The following NUP205 variants were observed in gnomAD, a reference collection of about 807,000 sequenced individuals.
NUP205 encodes the protein nucleoporin 205, also known as nuclear pore complex protein Nup205.
A neutral mutation model predicts 253.8 loss-of-function variants in NUP205; 76 were observed. That is an observed-to-expected ratio of 0.30 (90% confidence interval 0.25 to 0.36). The LOEUF (loss-of-function observed/expected upper bound fraction) is 0.36. Ranked by LOEUF, NUP205 falls within the 10% of genes least tolerant of loss-of-function variation. The pLI is 1.00. For synonymous variants in NUP205, 832 were observed against 850.1 expected (o/e 0.98, Z 0.37); for missense variants, 2,162 against 2,425.5 (o/e 0.89, Z 2.28).
chr7:135,609,956 G>A (rs1225461139), intron 22 of NUP205, among the ~76,000 whole-genome samples: 1 of 152,200 alleles, frequency 6.6e-6, no homozygotes, highest in Non-Finnish European at 1.5e-5. Flanking sequence ...TGAAGCCAGG[G>A]TCCAGTTAAG....
At chr7:135,638,469 A>T in intron 37 of NUP205, 88 bp from the exon 38 acceptor site, 1 of 1,092,098 alleles carries the variant, frequency 9.2e-7, no homozygotes, top group Non-Finnish European at 1.4e-6. Context: ...AAATTGATTG[A>T]TAACCTTTTC....
intron 30 of NUP205, among the ~76,000 whole-genome samples, chr7:135,620,307 G>A (rs529823179): frequency 6.6e-6 from 1 of 152,222 alleles, no homozygotes; most frequent in African/African-American, 2.4e-5. Context: ...GCCGAGGCCT[G>A]TGGATCACCT....
intron 3 of NUP205, among the ~76,000 whole-genome samples, chr7:135,575,308 T>A (rs749028978): frequency 2.0e-5 from 3 of 152,106 alleles, no homozygotes; most frequent in Non-Finnish European, 4.4e-5. Context: ...TGAGTAAGCA[T>A]ACATCAGGTG....
At chr7:135,559,686 C>CTTTTTTTT (rs548329072) in intron 1 of NUP205, among the ~76,000 whole-genome samples, 1 of 138,010 alleles carries the variant, frequency 7.2e-6, no homozygotes. Context: ...ATTTATTTTC[C>CTTTTTTTT]TTTTTTTTTT....
intron 3 of NUP205, among the ~76,000 whole-genome samples, chr7:135,574,310 G>T (rs1432574684): frequency 6.6e-6 from 1 of 151,992 alleles, no homozygotes; most frequent in Non-Finnish European, 1.5e-5. Context: ...TGCATGAGTA[G>T]GTAAAAAATA....
intron 13 of NUP205, 64 bp downstream of exon 13, chr7:135,594,793 T>C (rs1038274860): frequency 7.1e-6 from 9 of 1,271,840 alleles, no homozygotes; most frequent in Non-Finnish European, 7.7e-6. Context: ...GATAATACCA[T>C]AGAAGCAAGA....
At position 135,570,698 on chromosome 7, in the gene NUP205, TTAATTATATTAATATA is replaced by T. The variant is rs1213650726; in HGVS notation, c.29-406_29-391del. Reference sequence around the variant, plus strand: ...ATATATATTAATTATATTAATATAATTAATTATATTAATATAATTAATTATATTTATATATTATATT... The same window carrying T: ...ATATATATTAATTATATTAATATAATATTAATTATATTTATATATTATATT... On this transcript the variant is annotated intron_variant, in intron 1 of 42. Coordinates refer to ENST00000285968, the MANE Select transcript of NUP205 (RefSeq NM_015135.3). 5.8e-5 allele frequency among the ~76,000 whole-genome samples: 5 copies of T among 86,732 alleles called. No homozygotes were observed. In the East Asian group the frequency reaches 1.5e-3, roughly 26 times the overall value. 56.9% of individuals were successfully genotyped at this position (86,732 alleles called of 152,430 possible). A position where few individuals can be genotyped will look rare whatever the true frequency, so the allele number is the denominator to read the frequency against.
rs931301790 is a variant in NUP205 at position 135,578,804 on chromosome 7, C to G, written c.931C>G (p.His311Asp). ...LTEKQYIATI[H>D]SRLQDSQLWK... ...AGAAAAACAGTACATTGCAACAATT[C>G]ACTCTCGTCTTCAGGACTCACAGCT... The change falls in exon 7 of 43, where the codon CAC becomes GAC. Residue 311 changes from histidine (H) to aspartate (D), a missense_variant. By Grantham distance (81) the His-to-Asp change is moderately conservative. This residue lies in a region of NUP205 where 892 missense variants were observed against 957.1 expected (regional missense o/e 0.93). Transcript: ENST00000285968. The G allele has an allele frequency of 6.2e-7, 1 of 1,610,134 alleles. No homozygotes were observed. The highest frequency in any genetic ancestry group is 1.3e-5 in the African/African-American group (1 of 74,924).
At chr7:135,625,938 C>T (rs1464508845) in intron 32 of NUP205, among the ~76,000 whole-genome samples, 1 of 152,170 alleles carries the variant, frequency 6.6e-6, no homozygotes, top group African/African-American at 2.4e-5. Flanking sequence ...AGAGACACAG[C>T]TGTTAGCAAA....
intron 31 of NUP205, among the ~76,000 whole-genome samples, chr7:135,624,436 G>T (rs969147805): frequency 1.3e-5 from 2 of 152,060 alleles, no homozygotes; most frequent in South Asian, 2.1e-4. Context: ...GAGTGCAGTG[G>T]CACGATCTCG....
At chr7:135,570,675 A>C (rs1428343568) in intron 1 of NUP205, among the ~76,000 whole-genome samples, 1 of 117,556 alleles carries the variant, frequency 8.5e-6, no homozygotes, top group East Asian at 2.1e-4. Flanking sequence ...TATAATTAAT[A>C]TATATTAATT....
At chr7:135,607,117 G>T in intron 21 of NUP205, 130 bp from the exon 22 acceptor site, 1 of 1,265,992 alleles carries the variant, frequency 7.9e-7, no homozygotes, top group Non-Finnish European at 1.1e-6. Flanking sequence ...TCAATTTTCT[G>T]TTATCAGTAT....
intron 13 of NUP205, among the ~76,000 whole-genome samples, chr7:135,595,367 G>A (rs564584604): frequency 1.3e-5 from 2 of 152,134 alleles, no homozygotes; most frequent in South Asian, 4.1e-4. Flanking sequence ...GGGATTACAG[G>A]CTTGCATTAC....
At chr7:135,645,743 T>G (rs1794995766) in intron 41 of NUP205, 147 bp downstream of exon 41, 1 of 722,330 alleles carries the variant, frequency 1.4e-6, no homozygotes, top group Non-Finnish European at 2.2e-6. Flanking sequence ...CGTAGCTATT[T>G]CTTGCATTTT....
At chr7:135,616,780 A>C in intron 25 of NUP205, 54 bp downstream of exon 25, 1 of 1,089,818 alleles carries the variant, frequency 9.2e-7, no homozygotes, top group Non-Finnish European at 1.3e-6. Context: ...TATTAAAAAA[A>C]AAAAAACTTC....
At chr7:135,599,448 A>G (rs1156879677) in intron 15 of NUP205, among the ~76,000 whole-genome samples, 1 of 152,200 alleles carries the variant, frequency 6.6e-6, no homozygotes, top group Non-Finnish European at 1.5e-5. Context: ...TCTAGAACTT[A>G]ACATGTATTT....
rs1428187784 is a variant in NUP205 at position 135,589,127 on chromosome 7, G to A, written c.1473+1135G>A. The stretch of plus-strand genomic sequence containing the variant: ...TGAGGTTACAGTGAGATGTGGTTAC[G>A]CCACTGCACTCCAGCCTAGGCAACA... On this transcript the variant is annotated intron_variant, in intron 10 of 42. Transcript: ENST00000285968. Among the ~76,000 whole-genome samples the A allele has an allele frequency of 2.7e-5, 4 of 149,596 alleles. 1 individual carries two copies. The highest frequency in any genetic ancestry group is 4.3e-4 in the South Asian group (2 of 4,682).
At chr7:135,603,999 T>G (rs1794027482) in intron 18 of NUP205, among the ~76,000 whole-genome samples, 1 of 152,192 alleles carries the variant, frequency 6.6e-6, no homozygotes. Flanking sequence ...TTTCCCTGTG[T>G]GTGTGTTTGT....
At chr7:135,573,458 G>A (rs1265907980) in intron 2 of NUP205, among the ~76,000 whole-genome samples, 196 bp from the exon 3 acceptor site, 1 of 152,096 alleles carries the variant, frequency 6.6e-6, no homozygotes, top group Non-Finnish European at 1.5e-5. Flanking sequence ...TATTGAGAAG[G>A]TAGTATTGGA....
Sources: allele counts gnomAD v4.1 joint callset (sites outside exome capture counted in the v4.1 genomes callset), GRCh38; gene constraint gnomAD v4.1.1; regional missense constraint gnomAD v4.1.1; transcripts MANE v1.5; gene names NCBI Gene and HGNC (gene_info 2026-07-23, HGNC 2026-07-21).